Variants in PPCS observed in about 807,000 individuals in gnomAD.
PPCS encodes the protein phosphopantothenoylcysteine synthetase.
PPCS carries 17 observed loss-of-function variants against 24.6 expected under a neutral mutation model. The ratio of observed to expected loss-of-function variants is 0.69; its 90% confidence interval spans 0.47 to 1.04. PPCS has a LOEUF of 1.04. Ranked by LOEUF, PPCS falls within the 50% of genes least tolerant of loss-of-function variation. The pLI is 0.00. For missense variants in PPCS, 360 were observed against 402.8 expected (o/e 0.89, Z 0.91); for synonymous variants, 190 against 168.3 (o/e 1.13, Z -1.00).
At position 42,456,569 on chromosome 1, in the gene PPCS, G is replaced by T. The variant is rs773473745; in HGVS notation, c.4G>T (p.Ala2Ser). ...GGCGCCGGCCGCTGCGCTGCAGATGGCGGAAATGGATCCGGTAGCCGAGTT... is the reference window on the plus strand; with the variant it reads ...GGCGCCGGCCGCTGCGCTGCAGATGTCGGAAATGGATCCGGTAGCCGAGTT... M[A>S]EMDPVAEFPQ... The change falls in exon 1 of 3, where the codon GCG becomes TCG. Residue 2 changes from alanine to serine, a missense_variant. By Grantham distance (99) the Ala-to-Ser change is moderately conservative. Around this residue, in one of 2 missense-constraint regions of PPCS, gnomAD observed 244 missense variants for 234.7 expected, o/e 1.04. Coordinates refer to ENST00000372561, the MANE Select transcript of PPCS (RefSeq NM_024664.4). 7.1e-5 allele frequency: 105 copies of T among 1,478,544 alleles called. 1 individual carries two copies. Among genetic ancestry groups the T allele is most frequent in the Non-Finnish European group, 9.2e-5 (103 of 1,116,576 alleles). The allele number at this position is 1,478,544 out of a possible 1,614,324, so 91.6% of individuals were successfully genotyped here. A position where few individuals can be genotyped will look rare whatever the true frequency, so the allele number is the denominator to read the frequency against.
chr1:42,470,379 G>A (rs913822954), intron 2 of PPCS, among the ~76,000 whole-genome samples: 2 of 151,966 alleles, frequency 1.3e-5, no homozygotes, highest in African/African-American at 4.8e-5. Flanking sequence ...GTAAAATGGT[G>A]CAGCTGCAGT....
intron 2 of PPCS, among the ~76,000 whole-genome samples, chr1:42,466,557 G>T (rs1321836512): frequency 1.2e-4 from 18 of 145,212 alleles, no homozygotes; most frequent in South Asian, 8.6e-4. Context: ...GTTTTGTTTT[G>T]TTTTTTTTTT....
chr1:42,457,179 A>G lies in PPCS; in HGVS notation c.509-68A>G, dbSNP rs1452935098. The G allele has an allele frequency of 2.5e-6, 4 of 1,605,308 alleles. No individual in the cohort carries two copies. The East Asian group carries it at 8.9e-5, about 36-fold the overall frequency. On this transcript the variant is annotated intron_variant, in intron 1 of 2. Coordinates refer to ENST00000372561, the MANE Select transcript of PPCS (RefSeq NM_024664.4). ...CCACGGATCTCAGCTGGGGAACCCG[A>G]GTTGAGAAGGAGCTGATCCTATATC...
At chr1:42,462,221 T>C (rs368691311), downstream of PPCS, among the ~76,000 whole-genome samples, 1 of 151,434 alleles carries the variant, frequency 6.6e-6, no homozygotes, top group East Asian at 1.9e-4. Flanking sequence ...TCCAGGGGGG[T>C]GGGGGAGAGT....
downstream of PPCS, among the ~76,000 whole-genome samples, chr1:42,465,563 C>T (rs148306592): frequency 3.8e-3 from 580 of 152,186 alleles, 8 homozygotes; most frequent in African/African-American, 0.013. Flanking sequence ...GGGGTTTCTC[C>T]ACGTTGGTCA....
downstream of PPCS, chr1:42,463,416 GC>G (rs1643469220): frequency 6.6e-6 from 1 of 152,248 alleles, no homozygotes; most frequent in Non-Finnish European, 1.5e-5. Flanking sequence ...TCCTGCCTCA[GC>G]CCCAAGGAGG....
At chr1:42,462,718 A>G (rs1643443762), downstream of PPCS, among the ~76,000 whole-genome samples, 1 of 152,170 alleles carries the variant, frequency 6.6e-6, no homozygotes, top group Non-Finnish European at 1.5e-5. Flanking sequence ...ATTTTGCATT[A>G]CATAGGTGGG....
intron 2 of PPCS, among the ~76,000 whole-genome samples, chr1:42,458,589 A>G (rs1643308156): frequency 6.6e-6 from 1 of 152,244 alleles, no homozygotes; most frequent in South Asian, 2.1e-4. Context: ...AGTAGTGATA[A>G]ATGCTAAGGA....
chr1:42,465,843 T>C (rs1336441686), downstream of PPCS, among the ~76,000 whole-genome samples: 1 of 152,186 alleles, frequency 6.6e-6, no homozygotes, highest in Non-Finnish European at 1.5e-5. Context: ...CCACAACAGC[T>C]CAGAATGTCA....
At chr1:42,463,308 A>G (rs2275116), downstream of PPCS, 3 of 152,078 alleles carry the variant, frequency 2.0e-5, no homozygotes, top group Non-Finnish European at 4.4e-5. Flanking sequence ...AGGTCTCCGT[A>G]GGCACCTGCA....
Position 42,460,208 on chromosome 1 carries a change from C to T in PPCS, c.*282C>T, listed in dbSNP as rs1040855091. On this transcript the variant is annotated 3_prime_UTR_variant, in exon 3 of 3. Transcript: ENST00000372561. ...TATACATGGGGGCCTGAATGTCAGC[C>T]ATCTTTATACTATAGAAAAAGGATT... 41 of 1,111,020 alleles carry T rather than the reference C, an allele frequency of 3.7e-5. No homozygotes were observed. The highest frequency in any genetic ancestry group is 4.0e-4 in the Middle Eastern group (1 of 2,484). The allele number at this position is 1,111,020 out of a possible 1,614,324, so 68.8% of individuals were successfully genotyped here.
In PPCS at chr1:42,456,911, C is replaced by G; in HGVS notation, c.346C>G (p.Leu116Val). ...RPSGPALSGL[L>V]SLEAEENALP... Reference sequence around the variant, plus strand: ...TTCGGGCCCAGCCCTTTCGGGCTTGCTGAGCCTGGAGGCCGAGGAGAATGC... The same window carrying G: ...TTCGGGCCCAGCCCTTTCGGGCTTGGTGAGCCTGGAGGCCGAGGAGAATGC... The change falls in exon 1 of 3, where the codon CTG becomes GTG. Residue 116 changes from leucine (L) to valine (V), a missense_variant. Leu to Val is a conservative substitution (Grantham distance 32, BLOSUM62 1). Around this residue, in one of 2 missense-constraint regions of PPCS, gnomAD observed 244 missense variants for 234.7 expected, o/e 1.04. Transcript: ENST00000372561. 6.2e-7 allele frequency: 1 copy of G among 1,611,312 alleles called. No homozygotes were observed. Among genetic ancestry groups the G allele is most frequent in the South Asian group, 1.1e-5 (1 of 91,088 alleles).
rs889514468 is a variant in PPCS at position 42,459,828 on chromosome 1, C to G, written c.838C>G (p.Leu280Val). The change falls in exon 3 of 3, where the codon CTA (leucine) becomes GTA (valine). Residue 280 changes from leucine (L) to valine (V), a missense_variant. Transcript: ENST00000372561. ...CAAAGACTCGGAAACCAAGTTATTG[C>G]TATCAGAGGAAGAAATAGAAAAAGG... ...VTKDSETKLL[L>V]SEEEIEKGVE... 1 of 1,614,036 alleles carries G rather than the reference C, an allele frequency of 6.2e-7. No individual in the cohort carries two copies.
chr1:42,465,358 TTTTTGTTTTG>T (rs201302325), downstream of PPCS, among the ~76,000 whole-genome samples: 1 of 150,384 alleles, frequency 6.6e-6, no homozygotes, highest in East Asian at 1.9e-4. Flanking sequence ...TTTGTTTTTG[TTTTTGTTTTG>T]TTTTGTTTTG....
At position 42,456,965 on chromosome 1, in the gene PPCS, A is replaced by AGCTC; in HGVS notation, c.403_404insCGCT (p.Tyr135SerfsTer57). ...TCCGGGTTTTGCTGAGGCTCTGAGG[A>AGCTC]GCTACCAGGAGGCTGCGGCTGCAGG... On this transcript the variant is annotated frameshift_variant, in exon 1 of 3. Transcript: ENST00000372561. LOFTEE classifies it high-confidence loss of function. 1 of 1,604,022 alleles carries AGCTC rather than the reference A, an allele frequency of 6.2e-7. No homozygotes were observed. The highest frequency in any genetic ancestry group is 8.5e-7 in the Non-Finnish European group (1 of 1,179,970).
At chr1:42,462,112 G>A (rs921859592), downstream of PPCS, among the ~76,000 whole-genome samples, 2 of 151,734 alleles carry the variant, frequency 1.3e-5, no homozygotes, top group African/African-American at 2.4e-5. Context: ...TCTTGTTAAC[G>A]CTTAAAAACA....
At chr1:42,464,796 A>G (rs539213056), downstream of PPCS, among the ~76,000 whole-genome samples, 3 of 152,334 alleles carry the variant, frequency 2.0e-5, no homozygotes, top group South Asian at 6.2e-4. Flanking sequence ...GAACATACAC[A>G]TTTTAAACAG....
chr1:42,466,816 T>G lies in PPCS; in HGVS notation n.378-6306T>G, dbSNP rs184189432. On this transcript the variant is annotated intron_variant and non_coding_transcript_variant, in intron 2 of 2. Coordinates refer to the PPCS transcript ENST00000471420. ...ATCCATCTGCCTCGGCCTCCCAAAG[T>G]GCTGGGATTACAGGCATGAGCCTCT... Among the ~76,000 whole-genome samples, 23 of 152,336 alleles carry G rather than the reference T, an allele frequency of 1.5e-4. No homozygotes were observed. In the East Asian group the frequency reaches 4.4e-3, roughly 29 times the overall value.
chr1:42,460,647 T>C lies in PPCS; in HGVS notation c.*721T>C, dbSNP rs1643385390. On this transcript the variant is annotated 3_prime_UTR_variant, in exon 3 of 3. Coordinates refer to ENST00000372561, the MANE Select transcript of PPCS (RefSeq NM_024664.4). ...CAGGCAGGGGCCACTTGGTGATCTC[T>C]GTCCTGAGGGATGCATTACAGTGTG... 1.3e-5 allele frequency among the ~76,000 whole-genome samples: 2 copies of C among 152,232 alleles called. No individual in the cohort carries two copies. The highest frequency in any genetic ancestry group is 1.3e-4 in the Admixed American group (2 of 15,288).
Sources: gnomAD v4.1 joint callset for allele counts (sites outside exome capture counted in the v4.1 genomes callset) on GRCh38, gnomAD v4.1.1 for gene constraint, gnomAD v4.1.1 regional missense constraint, MANE v1.5 for transcripts, NCBI Gene and HGNC (gene_info 2026-07-23, HGNC 2026-07-21) for gene names.